SEC63: variants seen among roughly 807,000 people sequenced by gnomAD.
The protein encoded by SEC63 is translocation protein SEC63 homolog.
SEC63 carries 56 observed loss-of-function variants against 116.2 expected under a neutral mutation model. The observed-to-expected ratio is 0.48, with a 90% confidence interval of 0.39 to 0.60. The LOEUF is 0.60. Ranked by LOEUF, SEC63 falls within the 20% of genes least tolerant of loss-of-function variation. The pLI is 0.00. For synonymous variants in SEC63, 273 were observed against 294.6 expected (o/e 0.93, Z 0.75); for missense variants, 668 against 900.0 (o/e 0.74, Z 3.30).
intron 1 of SEC63, among the ~76,000 whole-genome samples, chr6:107,932,798 A>G (rs1787842484): frequency 1.3e-5 from 2 of 152,160 alleles, no homozygotes; most frequent in Admixed American, 6.6e-5. Context: ...CACATCTAGC[A>G]TGCAGATCTT....
rs1226600604 is a variant in SEC63 at position 107,893,893 on chromosome 6, A to T, written c.1445T>A (p.Val482Glu). ...VKLTRQTMAE[V>E]FEKEQSICAA... ...ACAGATGGACTGCTCCTTTTCAAAT[A>T]CTTCCTGGGGGGCGGCAAGAAGAGA... The change falls in exon 15 of 21, where the codon GTA (valine) becomes GAA (glutamate). Residue 482 changes from valine (V) to glutamate (E), a missense_variant. By Grantham distance (121) the Val-to-Glu change is moderately radical (BLOSUM62 -2). Coordinates refer to ENST00000369002, the MANE Select transcript of SEC63 (RefSeq NM_007214.5). The T allele has an allele frequency of 6.2e-7, 1 of 1,614,062 alleles. No individual in the cohort carries two copies. The highest frequency in any genetic ancestry group is 1.1e-5 in the South Asian group (1 of 91,076).
At chr6:107,951,626 C>T (rs879913386) in intron 1 of SEC63, among the ~76,000 whole-genome samples, 1 of 152,178 alleles carries the variant, frequency 6.6e-6, no homozygotes, top group Non-Finnish European at 1.5e-5. Flanking sequence ...AATACCAGTA[C>T]ATAACACCCA....
intron 16 of SEC63, among the ~76,000 whole-genome samples, chr6:107,889,563 T>G (rs1406181897): frequency 6.6e-6 from 1 of 152,088 alleles, no homozygotes; most frequent in Admixed American, 6.6e-5. Flanking sequence ...GATTTTTTTT[T>G]AAGTGTTTTT....
intron 1 of SEC63, among the ~76,000 whole-genome samples, chr6:107,941,974 G>T (rs1337887695): frequency 6.6e-6 from 1 of 152,200 alleles, no homozygotes; most frequent in African/African-American, 2.4e-5. Flanking sequence ...TTGTGTTAAG[G>T]TCGCATTAGC....
intron 13 of SEC63, among the ~76,000 whole-genome samples, chr6:107,898,720 A>T (rs1786924432): frequency 6.6e-6 from 1 of 152,192 alleles, no homozygotes; most frequent in African/African-American, 2.4e-5. Flanking sequence ...AAATAAAAAT[A>T]AAATAACTCA....
chr6:107,922,016 G>A (rs568346595), intron 3 of SEC63, 107 bp from the exon 4 acceptor site: 1 of 665,740 alleles, frequency 1.5e-6, no homozygotes, highest in Non-Finnish European at 2.6e-6. Flanking sequence ...GAACTACTCA[G>A]TATTTTGAGA....
chr6:107,872,503 T>TA lies in SEC63; in HGVS notation c.2139+304dup, dbSNP rs35422686. 0.11 allele frequency among the ~76,000 whole-genome samples: 15,952 copies of TA among 147,370 alleles called. 941 individuals carry two copies. Among genetic ancestry groups the TA allele is most frequent in the East Asian group, 0.21 (1,084 of 5,084 alleles). On this transcript the variant is annotated intron_variant, in intron 20 of 20. Transcript: ENST00000369002. ...TACACTCCAAATAGAATCTGTGGTT[T>TA]AAAAAAAAAAAGTGCCTTTCTAAAG...
At chr6:107,936,604 A>G (rs1412837690) in intron 1 of SEC63, among the ~76,000 whole-genome samples, 1 of 152,244 alleles carries the variant, frequency 6.6e-6, no homozygotes, top group African/African-American at 2.4e-5. Context: ...ATAAAACAAT[A>G]TAAATAATGT....
chr6:107,908,219 G>C (rs1324369411), intron 8 of SEC63, among the ~76,000 whole-genome samples: 1 of 152,044 alleles, frequency 6.6e-6, no homozygotes, highest in Non-Finnish European at 1.5e-5. Context: ...TTTTTTTAAA[G>C]AGGGATGGAG....
chr6:107,908,907 G>A lies in SEC63; in HGVS notation c.733+20C>T, dbSNP rs1554235661. 8.4e-6 allele frequency: 12 copies of A among 1,425,002 alleles called. No individual in the cohort carries two copies. Among genetic ancestry groups the A allele is most frequent in the Middle Eastern group, 1.8e-4 (1 of 5,562 alleles). 88.3% of individuals were successfully genotyped at this position (1,425,002 alleles called of 1,614,324 possible). ...ACAAAACAATGTGATTAATAGCAAA[G>A]TTACTTAAAGTTTACTTACGTTTCA... On this transcript the variant is annotated intron_variant, in intron 8 of 20. Transcript: ENST00000369002.
chr6:107,887,631 G>A (rs915808865), intron 16 of SEC63, among the ~76,000 whole-genome samples: 4 of 152,052 alleles, frequency 2.6e-5, no homozygotes, highest in African/African-American at 9.7e-5. Flanking sequence ...ATAGCATTGG[G>A]AAATATACCT....
chr6:107,906,181 C>G (rs989594997), intron 10 of SEC63, among the ~76,000 whole-genome samples: 2 of 152,190 alleles, frequency 1.3e-5, no homozygotes, highest in African/African-American at 4.8e-5. Flanking sequence ...TCCTCCTGCT[C>G]TGGCCATGTG....
At chr6:107,918,480 A>C (rs1355016035) in intron 4 of SEC63, among the ~76,000 whole-genome samples, 1 of 152,128 alleles carries the variant, frequency 6.6e-6, no homozygotes, top group African/African-American at 2.4e-5. Flanking sequence ...AGATCACCTG[A>C]GGTCAGGAGT....
chr6:107,956,042 G>A, intron 1 of SEC63: 1 of 403,586 alleles, frequency 2.5e-6, no homozygotes, highest in Non-Finnish European at 5.0e-6. Flanking sequence ...CTACTCGGGG[G>A]GCTGAAGCGG....
chr6:107,901,158 G>A (rs1786990991), intron 13 of SEC63, among the ~76,000 whole-genome samples: 1 of 152,090 alleles, frequency 6.6e-6, no homozygotes, highest in Admixed American at 6.6e-5. Flanking sequence ...CCCATTATGA[G>A]GATAATAAAA....
intron 1 of SEC63, among the ~76,000 whole-genome samples, chr6:107,938,657 G>A (rs1401638347): frequency 5.9e-5 from 9 of 151,458 alleles, no homozygotes; most frequent in African/African-American, 2.2e-4. Context: ...CCAACTCCCA[G>A]GTTCAAGCAA....
intron 16 of SEC63, among the ~76,000 whole-genome samples, chr6:107,884,044 G>C (rs1786472194): frequency 6.6e-6 from 1 of 152,016 alleles, no homozygotes; most frequent in Admixed American, 6.6e-5. Context: ...AAGGTCAGGA[G>C]TTTGAGACCA....
intron 17 of SEC63, among the ~76,000 whole-genome samples, chr6:107,882,650 C>T (rs953228402): frequency 2.0e-5 from 3 of 152,118 alleles, no homozygotes; most frequent in Non-Finnish European, 4.4e-5. Flanking sequence ...ATTTCACAAA[C>T]ACCTTTCCTT....
intron 14 of SEC63, among the ~76,000 whole-genome samples, chr6:107,896,776 C>T (rs1418772455): frequency 1.3e-5 from 2 of 152,082 alleles, no homozygotes; most frequent in East Asian, 1.9e-4. Flanking sequence ...TTGAGGAGTT[C>T]AAGACCAGCC....
Sources: gnomAD v4.1 joint callset for allele counts (sites outside exome capture counted in the v4.1 genomes callset) on GRCh38, gnomAD v4.1.1 for gene constraint, MANE v1.5 for transcripts, NCBI Gene and HGNC (gene_info 2026-07-23, HGNC 2026-07-21) for gene names.